Variants in ANKRD44 observed in about 807,000 individuals in gnomAD.
The protein encoded by ANKRD44 is ankyrin repeat domain 44, also known as serine/threonine-protein phosphatase 6 regulatory ankyrin repeat subunit B.
ANKRD44 carries 35 observed loss-of-function variants against 116.0 expected under a neutral mutation model. The ratio of observed to expected loss-of-function variants is 0.30; its 90% CI spans 0.23 to 0.40. The LOEUF is 0.40. ANKRD44 is among the 10% of genes least tolerant of loss of function. The probability of loss-of-function intolerance (pLI) is 1.00; values close to 1 mark genes in which losing one functional copy is unlikely to be tolerated. For synonymous variants in ANKRD44, 435 were observed against 461.8 expected (o/e 0.94, Z 0.74); for missense variants, 1,014 against 1,242.6 (o/e 0.82, Z 2.77).
At chr2:197,002,960 T>C (rs1438536651) in intron 21 of ANKRD44, among the ~76,000 whole-genome samples, 1 of 152,110 alleles carries the variant, frequency 6.6e-6, no homozygotes, top group East Asian at 1.9e-4. Context: ...AAAAAGAGAA[T>C]AGGCAATATT....
At chr2:197,306,555 A>G (rs2084080517) in intron 1 of ANKRD44, among the ~76,000 whole-genome samples, 1 of 152,174 alleles carries the variant, frequency 6.6e-6, no homozygotes, top group South Asian at 2.1e-4. Flanking sequence ...ACAACCAGAA[A>G]AGGTTCTAAA....
Position 197,250,185 on chromosome 2 carries a change from G to C in ANKRD44, c.27+60393C>G, listed in dbSNP as rs140742046. Among the ~76,000 whole-genome samples, 408 of 152,224 alleles carry C rather than the reference G, an allele frequency of 2.7e-3. 2 individuals carry two copies. Among genetic ancestry groups the C allele is most frequent in the African/African-American group, 9.3e-3 (388 of 41,522 alleles). On this transcript the variant is annotated intron_variant, in intron 1 of 27. Transcript: ENST00000282272. ...AGGTCCAGGCTCTGACCATCTTCTC[G>C]CTCTGCCAGCCTTGGTTGTTGGCAG...
chr2:196,995,323 A>T, intron 26 of ANKRD44, 56 bp downstream of exon 26: 1 of 1,305,080 alleles, frequency 7.7e-7, no homozygotes, highest in Non-Finnish European at 1.1e-6. Flanking sequence ...CTTAATACTT[A>T]TTGAATAAAT....
intron 16 of ANKRD44, among the ~76,000 whole-genome samples, chr2:197,025,581 T>C (rs2076576260): frequency 1.3e-5 from 2 of 152,102 alleles, no homozygotes; most frequent in South Asian, 4.1e-4. Flanking sequence ...TGGATAGTGT[T>C]GAAAAAGACA....
Position 196,999,051 on chromosome 2 carries a change from T to C in ANKRD44, c.2521A>G (p.Thr841Ala). 6.2e-7 allele frequency: 1 copy of C among 1,612,856 alleles called. No homozygotes were observed. The highest frequency in any genetic ancestry group is 8.5e-7 in the Non-Finnish European group (1 of 1,179,602). The stretch of plus-strand genomic sequence containing the variant: ...GCAAATGCTGCCGCATGAAGGGGTG[T>C]CCTAAAGATTTAAAACAAGTATCAC... ...IVSCRDDKGR[T>A]PLHAAAFADH... The change falls in exon 24 of 28, where the codon ACA (threonine) becomes GCA (alanine). Residue 841 changes from threonine (T) to alanine (A), a missense_variant and splice_region_variant. Thr to Ala is a moderately conservative substitution (Grantham distance 58). Coordinates refer to ENST00000282272, the MANE Select transcript of ANKRD44 (RefSeq NM_001195144.2).
chr2:197,150,620 T>C (rs1559105722), intron 2 of ANKRD44, among the ~76,000 whole-genome samples: 3 of 151,134 alleles, frequency 2.0e-5, no homozygotes, highest in African/African-American at 4.9e-5. Context: ...CCTTCTACTA[T>C]GATCCCTAAG....
intron 1 of ANKRD44, among the ~76,000 whole-genome samples, chr2:197,195,715 C>T (rs546949780): frequency 1.1e-4 from 16 of 152,282 alleles, no homozygotes; most frequent in African/African-American, 2.9e-4. Flanking sequence ...AGAACCTCTG[C>T]GGATGTAAGC....
chr2:197,120,638 C>A (rs2078830391), intron 8 of ANKRD44, among the ~76,000 whole-genome samples: 1 of 150,334 alleles, frequency 6.7e-6, no homozygotes, highest in Non-Finnish European at 1.5e-5. Flanking sequence ...GTGACAAGAG[C>A]AAAACTCCAT....
At chr2:197,146,655 GTATA>G (rs1184132026) in intron 3 of ANKRD44, among the ~76,000 whole-genome samples, 1 of 151,880 alleles carries the variant, frequency 6.6e-6, no homozygotes, top group Non-Finnish European at 1.5e-5. Context: ...TACATAGTGT[GTATA>G]TATACTCACT....
chr2:197,246,434 T>G (rs374011752), intron 1 of ANKRD44, among the ~76,000 whole-genome samples: 5 of 128,148 alleles, frequency 3.9e-5, no homozygotes, highest in South Asian at 5.3e-4. Context: ...CTCAAGCAAA[T>G]CATCCTGCCT....
chr2:197,247,427 A>C (rs1347479093), intron 1 of ANKRD44, among the ~76,000 whole-genome samples: 2 of 152,154 alleles, frequency 1.3e-5, no homozygotes, highest in African/African-American at 4.8e-5. Flanking sequence ...TGTTCCCTGA[A>C]AGAAAATTTA....
chr2:197,041,293 C>T (rs745688183), intron 16 of ANKRD44, among the ~76,000 whole-genome samples: 3 of 152,130 alleles, frequency 2.0e-5, no homozygotes, highest in Non-Finnish European at 4.4e-5. Flanking sequence ...CAAGGGTCTA[C>T]TTTATCCAAA....
At chr2:197,119,365 G>A (rs2078799556) in intron 8 of ANKRD44, among the ~76,000 whole-genome samples, 1 of 151,938 alleles carries the variant, frequency 6.6e-6, no homozygotes, top group Non-Finnish European at 1.5e-5. Context: ...CTCTTCCTTG[G>A]TCAAATCACA....
At chr2:197,151,123 CAAA>C (rs57630063) in intron 2 of ANKRD44, among the ~76,000 whole-genome samples, 36,296 of 139,426 alleles carry the variant, frequency 0.26, 5,115 homozygotes, top group African/African-American at 0.39. Context: ...TGAAAATATG[CAAA>C]AAAAAAAAAA....
intron 1 of ANKRD44, among the ~76,000 whole-genome samples, chr2:197,239,807 G>T (rs1159342976): frequency 6.6e-6 from 1 of 152,112 alleles, no homozygotes; most frequent in African/African-American, 2.4e-5. Context: ...GTTTTTGGGA[G>T]TTTCACTATC....
intron 16 of ANKRD44, among the ~76,000 whole-genome samples, chr2:197,068,413 A>AAT (rs1420899083): frequency 2.0e-5 from 3 of 149,142 alleles, no homozygotes; most frequent in Non-Finnish European, 3.0e-5. Context: ...ATAAAATAAA[A>AAT]AAAAATAAAA....
chr2:197,122,498 C>T, intron 7 of ANKRD44, 152 bp downstream of exon 7: 2 of 913,420 alleles, frequency 2.2e-6, no homozygotes, highest in Non-Finnish European at 3.2e-6. Flanking sequence ...CCCCACTGCC[C>T]TTCATCAGTT....
chr2:197,027,183 A>T (rs2076611512), intron 16 of ANKRD44, among the ~76,000 whole-genome samples: 1 of 152,038 alleles, frequency 6.6e-6, no homozygotes, highest in Non-Finnish European at 1.5e-5. Flanking sequence ...CAAGATGGCG[A>T]AACCCCATCT....
chr2:197,191,058 A>C (rs1375477823), intron 1 of ANKRD44, among the ~76,000 whole-genome samples: 1 of 152,194 alleles, frequency 6.6e-6, no homozygotes, highest in African/African-American at 2.4e-5. Context: ...CCCCTAAAGA[A>C]ATTTAAATTC....
Sources: gnomAD v4.1 joint callset for allele counts (sites outside exome capture counted in the v4.1 genomes callset) on GRCh38, gnomAD v4.1.1 for gene constraint, MANE v1.5 for transcripts, NCBI Gene and HGNC (gene_info 2026-07-23, HGNC 2026-07-21) for gene names.